The following ACVR2A variants were observed in gnomAD, a reference collection of about 807,000 sequenced individuals.
ACVR2A encodes the protein activin A receptor type 2A, also known as activin receptor type-2A.
In ACVR2A, 7 loss-of-function variants were observed where a neutral mutation model predicts 61.4. The ratio of observed to expected loss-of-function variants is 0.11; its 90% CI spans 0.06 to 0.21. The LOEUF (loss-of-function observed/expected upper bound fraction) is 0.21. Among genes scored for constraint, ACVR2A ranks in the 10% least tolerant of loss-of-function variants. The pLI, the probability that ACVR2A is intolerant of heterozygous loss-of-function variation, is 1.00. For missense variants in ACVR2A, 322 were observed against 621.7 expected (o/e 0.52, Z 5.13); for synonymous variants, 193 against 208.3 (o/e 0.93, Z 0.63).
At chr2:147,918,297 C>A in intron 6 of ACVR2A, 150 bp from the exon 7 acceptor site, 1 of 523,072 alleles carries the variant, frequency 1.9e-6, no homozygotes, top group Non-Finnish European at 3.0e-6. Flanking sequence ...GAAATTTGAA[C>A]CATTTGAACC....
chr2:147,844,781 C>T (rs1174520655), upstream of ACVR2A: 1 of 169,466 alleles, frequency 5.9e-6, no homozygotes, highest in African/African-American at 2.4e-5. Context: ...GCCGCCGCCT[C>T]TTCGTCGCCT....
intron 1 of ACVR2A, among the ~76,000 whole-genome samples, chr2:147,862,860 G>T (rs545434336): frequency 1.3e-5 from 2 of 152,200 alleles, no homozygotes; most frequent in African/African-American, 4.8e-5. Context: ...ATTGGAACTG[G>T]CAAGTTATGT....
At chr2:147,857,499 A>T (rs1010855669) in intron 1 of ACVR2A, among the ~76,000 whole-genome samples, 2 of 149,704 alleles carry the variant, frequency 1.3e-5, no homozygotes, top group Non-Finnish European at 3.0e-5. Context: ...GTTGGTACAT[A>T]TGTAGCCGTT....
intron 1 of ACVR2A, among the ~76,000 whole-genome samples, chr2:147,853,761 G>A (rs536288855): frequency 5.3e-5 from 8 of 152,032 alleles, no homozygotes; most frequent in South Asian, 4.2e-4. Context: ...AGGAGTTTTC[G>A]TAGTTATGAT....
At chr2:147,909,898 C>G (rs1469984936) in intron 4 of ACVR2A, among the ~76,000 whole-genome samples, 1 of 152,098 alleles carries the variant, frequency 6.6e-6, no homozygotes, top group Non-Finnish European at 1.5e-5. Flanking sequence ...GCCTTGGCCT[C>G]CCAAAATGCA....
intron 1 of ACVR2A, among the ~76,000 whole-genome samples, chr2:147,855,605 T>A (rs1282570285): frequency 6.6e-6 from 1 of 152,186 alleles, no homozygotes; most frequent in Non-Finnish European, 1.5e-5. Flanking sequence ...ATTCTCTGAT[T>A]GTATTGTAAA....
chr2:147,844,958 G>T, upstream of ACVR2A: 2 of 403,012 alleles, frequency 5.0e-6, no homozygotes, highest in Non-Finnish European at 8.1e-6. Context: ...ATTTTTTATC[G>T]TTGTGCTCTT....
intron 1 of ACVR2A, among the ~76,000 whole-genome samples, chr2:147,869,125 T>C (rs144424220): frequency 6.6e-6 from 1 of 152,332 alleles, no homozygotes; most frequent in East Asian, 1.9e-4. Flanking sequence ...TTTAATAATA[T>C]ACCTTGCATT....
intron 1 of ACVR2A, among the ~76,000 whole-genome samples, chr2:147,890,646 G>C (rs1402460426): frequency 6.6e-6 from 1 of 152,060 alleles, no homozygotes; most frequent in East Asian, 1.9e-4. Context: ...TACTTTGATA[G>C]AATAAACCTA....
chr2:147,862,632 T>C (rs150440585), intron 1 of ACVR2A, among the ~76,000 whole-genome samples: 1 of 151,784 alleles, frequency 6.6e-6, no homozygotes, highest in Non-Finnish European at 1.5e-5. Context: ...TAATCTCAGC[T>C]ACTGGGGAGG....
intron 1 of ACVR2A, among the ~76,000 whole-genome samples, chr2:147,859,678 T>TTTTG (rs1158480880): frequency 6.6e-6 from 1 of 152,028 alleles, no homozygotes; most frequent in Non-Finnish European, 1.5e-5. Flanking sequence ...TCCTGAGTTT[T>TTTTG]TTTGTTTGTT....
chr2:147,883,515 A>T (rs1686360188), intron 1 of ACVR2A, among the ~76,000 whole-genome samples: 1 of 152,170 alleles, frequency 6.6e-6, no homozygotes, highest in Admixed American at 6.5e-5. Context: ...GTAGGAAAGA[A>T]ACTACATAAT....
At chr2:147,866,670 G>A (rs997819685) in intron 1 of ACVR2A, among the ~76,000 whole-genome samples, 4 of 152,146 alleles carry the variant, frequency 2.6e-5, no homozygotes, top group South Asian at 2.1e-4. Context: ...ATTTGCTAGC[G>A]AGTGTTAACT....
chr2:147,892,503 T>A lies in ACVR2A; in HGVS notation c.56-3798T>A, dbSNP rs200338211. Among the ~76,000 whole-genome samples, 5 of 148,676 alleles carry A rather than the reference T, an allele frequency of 3.4e-5. No homozygotes were observed. The East Asian group carries it at 6.3e-4, about 19-fold the overall frequency. Reference sequence around the variant, plus strand: ...AAAATTAAAGACCCCAAAACTTTTTTAAAATAGTAATATATATCAATATTT... The same window carrying A: ...AAAATTAAAGACCCCAAAACTTTTTAAAAATAGTAATATATATCAATATTT... On this transcript the variant is annotated intron_variant, in intron 1 of 10. Coordinates refer to ENST00000241416, the MANE Select transcript of ACVR2A (RefSeq NM_001616.5).
rs1192827176 is a variant in ACVR2A, at chr2:147,930,342, T to G, written c.*3068T>G. ...TGGTGGTTTAGTGGAATAAACTGATTACTGGTTTTTTTGTTTTTTTTTTTT... is the reference window on the plus strand; with the variant it reads ...TGGTGGTTTAGTGGAATAAACTGATGACTGGTTTTTTTGTTTTTTTTTTTT... On this transcript the variant is annotated 3_prime_UTR_variant, in exon 11 of 11. Coordinates refer to ENST00000241416, the MANE Select transcript of ACVR2A (RefSeq NM_001616.5). 1 of 142,542 alleles carries G rather than the reference T, an allele frequency of 7.0e-6. No homozygotes were observed. The highest frequency in any genetic ancestry group is 1.5e-5 in the Non-Finnish European group (1 of 66,186). 8.8% of individuals were successfully genotyped at this position (142,542 alleles called of 1,614,324 possible).
In ACVR2A at chr2:147,877,851, G is replaced by C. The variant is rs117980567; in HGVS notation, c.56-18450G>C. Among the ~76,000 whole-genome samples the C allele has an allele frequency of 2.4e-4, 36 of 152,300 alleles. No individual in the cohort carries two copies. In the East Asian group the frequency reaches 6.8e-3, roughly 29 times the overall value. ...TTTCTGTAGGGGGCTAGTCTACACTGTGTTGTCCATGTTCTGTTGCTGTGT... is the reference window on the plus strand; with the variant it reads ...TTTCTGTAGGGGGCTAGTCTACACTCTGTTGTCCATGTTCTGTTGCTGTGT... On this transcript the variant is annotated intron_variant, in intron 1 of 10. Coordinates refer to ENST00000241416, the MANE Select transcript of ACVR2A (RefSeq NM_001616.5).
At chr2:147,923,184 C>CGG in intron 9 of ACVR2A, 73 bp downstream of exon 9, 1 of 1,455,662 alleles carries the variant, frequency 6.9e-7, no homozygotes, top group Non-Finnish European at 9.2e-7. Context: ...TGATACACTC[C>CGG]AAGGTAATAT....
At chr2:147,865,398 A>G (rs1005221480) in intron 1 of ACVR2A, among the ~76,000 whole-genome samples, 2 of 152,176 alleles carry the variant, frequency 1.3e-5, no homozygotes, top group Non-Finnish European at 2.9e-5. Context: ...AATCTAAAGC[A>G]TTCTTATTAT....
At chr2:147,882,800 G>A (rs1470272382) in intron 1 of ACVR2A, among the ~76,000 whole-genome samples, 1 of 137,598 alleles carries the variant, frequency 7.3e-6, no homozygotes, top group Non-Finnish European at 1.6e-5. Context: ...TAAGTATGGG[G>A]TATTACAGAC....
Sources: gnomAD v4.1 joint callset for allele counts (sites outside exome capture counted in the v4.1 genomes callset) on GRCh38, gnomAD v4.1.1 for gene constraint, MANE v1.5 for transcripts, NCBI Gene and HGNC (gene_info 2026-07-23, HGNC 2026-07-21) for gene names.